The following MTUS2 variants were observed in gnomAD, a reference collection of about 807,000 sequenced individuals.
MTUS2 encodes microtubule-associated tumor suppressor candidate 2.
A neutral mutation model predicts 114.1 loss-of-function variants in MTUS2; 40 were observed. The ratio of observed to expected loss-of-function variants is 0.35; its 90% CI spans 0.27 to 0.46. The LOEUF is 0.46. MTUS2 is among the 20% of genes least tolerant of loss of function. The pLI, the probability that MTUS2 is intolerant of heterozygous loss-of-function variation, is 1.00. For synonymous variants in MTUS2, 688 were observed against 672.0 expected, an observed-to-expected ratio of 1.02 and a Z score of -0.37; for missense variants, 1,679 against 1,705.4, an observed-to-expected ratio of 0.98 and a Z score of 0.27.
chr13:29,290,393 G>C (rs545353857), intron 6 of MTUS2, among the ~76,000 whole-genome samples: 1 of 151,920 alleles, frequency 6.6e-6, no homozygotes, highest in Non-Finnish European at 1.5e-5. Flanking sequence ...GCAGTGGCGC[G>C]ATCTCAGCTC....
In MTUS2 at chr13:28,830,175, CA is replaced by C. The variant is rs113570574; in HGVS notation, c.-316+9567del. ...ACAATAGTAGCAACAAATATAACAACAAACCTTTATGCAGAGTGGAATCTTA... is the reference window on the plus strand; with the variant it reads ...ACAATAGTAGCAACAAATATAACAACAACCTTTATGCAGAGTGGAATCTTA... On this transcript the variant is annotated intron_variant, in intron 1 of 15. Transcript: ENST00000612955. 2.9e-3 allele frequency among the ~76,000 whole-genome samples: 438 copies of C among 152,234 alleles called. 4 individuals carry two copies. The highest frequency in any genetic ancestry group is 9.7e-3 in the African/African-American group (402 of 41,532).
At chr13:29,054,043 A>T (rs906979209) in intron 4 of MTUS2, among the ~76,000 whole-genome samples, 2 of 152,216 alleles carry the variant, frequency 1.3e-5, no homozygotes, top group Admixed American at 1.3e-4. Context: ...AATCTATGAG[A>T]GTTACAGTGG....
intron 5 of MTUS2, among the ~76,000 whole-genome samples, chr13:29,101,587 G>A (rs577990346): frequency 2.0e-5 from 3 of 152,288 alleles, no homozygotes; most frequent in African/African-American, 7.2e-5. Context: ...AACAGCTGCT[G>A]TCCCTGAGGA....
intron 2 of MTUS2, among the ~76,000 whole-genome samples, chr13:28,998,851 T>C (rs143279131): frequency 0.011 from 1,677 of 152,306 alleles, 19 homozygotes; most frequent in South Asian, 0.02. Context: ...CTCCTTTAGC[T>C]CGGAGTAGTT....
At chr13:29,078,965 C>T (rs1393274109) in intron 4 of MTUS2, among the ~76,000 whole-genome samples, 1 of 152,118 alleles carries the variant, frequency 6.6e-6, no homozygotes, top group Non-Finnish European at 1.5e-5. Context: ...CACATTGCAC[C>T]TCTGTATTTA....
chr13:29,034,133 A>T lies in MTUS2; in HGVS notation c.2446+8A>T. The stretch of plus-strand genomic sequence containing the variant: ...ACAGTTCCGATCCTTCAGGTAACCG[A>T]TCCAACAGTTTCTGCCTTTTCCTGC... On this transcript the variant is annotated splice_region_variant and intron_variant, in intron 4 of 15. Transcript: ENST00000612955. The T allele has an allele frequency of 6.2e-7, 1 of 1,613,678 alleles. No individual in the cohort carries two copies. Among genetic ancestry groups the T allele is most frequent in the South Asian group, 1.1e-5 (1 of 91,064 alleles).
chr13:29,306,774 C>T (rs528863555), intron 6 of MTUS2: 1 of 327,042 alleles, frequency 3.1e-6, no homozygotes, highest in South Asian at 2.4e-5. Context: ...ATCCCTGAGA[C>T]ATCATGGTGA....
At chr13:29,482,647 A>G (rs1247328041) in intron 10 of MTUS2, among the ~76,000 whole-genome samples, 5 of 152,226 alleles carry the variant, frequency 3.3e-5, no homozygotes, top group African/African-American at 9.6e-5. Context: ...TTATCTATCC[A>G]TTGAGGAAGC....
In MTUS2 at chr13:29,480,157, T is replaced by C; in HGVS notation, c.3192T>C (p.His1064=). Residue 1064 remains histidine (H), a synonymous_variant, in exon 10 of 16, where the codon CAT becomes CAC. Transcript: ENST00000612955. This position sits in a 1 kb window ranked among gnomAD's most constrained non-coding sequence, Gnocchi z 4.4. ...LANIRDEVAF[H]TAKCEKLQKE... is the part of the protein sequence containing the mutation. ...CTTGTGCTTTGCGCCCAGCCTTCCA[T>C]ACAGCAAAGTGCGAGAAACTACAAA... 1 of 1,553,272 alleles carries C rather than the reference T, an allele frequency of 6.4e-7. No individual in the cohort carries two copies. The highest frequency in any genetic ancestry group is 8.7e-7 in the Non-Finnish European group (1 of 1,147,824).
chr13:29,390,689 G>T lies in MTUS2; in HGVS notation c.3117+31216G>T, dbSNP rs116823500. On this transcript the variant is annotated intron_variant, in intron 8 of 15. Coordinates refer to ENST00000612955, the MANE Select transcript of MTUS2 (RefSeq NM_001033602.4). Reference sequence around the variant, plus strand: ...AAGAAAGAAAGAAAATATGTATTAGGGTCCCCGTTGGGGTAAAATCGGTGT... The same window carrying T: ...AAGAAAGAAAGAAAATATGTATTAGTGTCCCCGTTGGGGTAAAATCGGTGT... 9.6e-3 allele frequency among the ~76,000 whole-genome samples: 1,455 copies of T among 151,302 alleles called. 29 individuals carry two copies. The highest frequency in any genetic ancestry group is 0.033 in the African/African-American group (1,372 of 41,036).
intron 2 of MTUS2, among the ~76,000 whole-genome samples, chr13:28,912,708 C>G (rs994463693): frequency 5.9e-5 from 9 of 151,890 alleles, no homozygotes; most frequent in Non-Finnish European, 1.2e-4. Context: ...GTTTGTTGTT[C>G]TTCTTAAAGA....
chr13:29,373,947 G>A (rs1218102950), intron 8 of MTUS2, among the ~76,000 whole-genome samples: 1 of 152,166 alleles, frequency 6.6e-6, no homozygotes, highest in Non-Finnish European at 1.5e-5. Flanking sequence ...GTTAAAAGTA[G>A]CTATTGCAGA....
At chr13:29,320,757 G>C (rs1215988170) in intron 6 of MTUS2, among the ~76,000 whole-genome samples, 1 of 152,204 alleles carries the variant, frequency 6.6e-6, no homozygotes, top group East Asian at 1.9e-4. Context: ...AAGATGCAGA[G>C]GTTAAGGCAC....
At chr13:29,088,054 G>A (rs551534356) in intron 4 of MTUS2, among the ~76,000 whole-genome samples, 29 of 56,090 alleles carry the variant, frequency 5.2e-4, no homozygotes, top group South Asian at 4.3e-3. Context: ...GCAAGACTCC[G>A]TCTCAAAAAA....
intron 5 of MTUS2, among the ~76,000 whole-genome samples, chr13:29,142,016 C>A (rs1043841487): frequency 6.6e-6 from 1 of 151,956 alleles, no homozygotes; most frequent in Non-Finnish European, 1.5e-5. Context: ...CCCACCACCA[C>A]ACCCAGCTAA....
At chr13:29,286,443 G>GTC (rs1216361871) in intron 6 of MTUS2, among the ~76,000 whole-genome samples, 1 of 152,184 alleles carries the variant, frequency 6.6e-6, no homozygotes, top group African/African-American at 2.4e-5. Flanking sequence ...AACTCAGCTA[G>GTC]TCTCTCTAGT....
intron 2 of MTUS2, among the ~76,000 whole-genome samples, chr13:28,861,697 A>T (rs952746596): frequency 6.6e-6 from 1 of 152,094 alleles, no homozygotes; most frequent in Non-Finnish European, 1.5e-5. Context: ...CATGGTAGGC[A>T]CTTGGTTGGT....
intron 5 of MTUS2, among the ~76,000 whole-genome samples, chr13:29,182,318 A>G (rs1159282503): frequency 2.6e-5 from 4 of 152,176 alleles, no homozygotes; most frequent in Non-Finnish European, 5.9e-5. Flanking sequence ...CTTTATTTTC[A>G]TCTATACAGT....
chr13:28,887,354 G>A lies in MTUS2; in HGVS notation c.-243+47504G>A, dbSNP rs191963795. ...TCCCTGGACGCTACTCGTTTCTGAC[G>A]CACCTCCCATGTCTCTGACCACAGC... On this transcript the variant is annotated intron_variant, in intron 2 of 15. Transcript: ENST00000612955. Among the ~76,000 whole-genome samples, 328 of 152,220 alleles carry A rather than the reference G, an allele frequency of 2.2e-3. 1 individual carries two copies. The highest frequency in any genetic ancestry group is 7.3e-3 in the African/African-American group (302 of 41,542).
Sources: allele counts gnomAD v4.1 joint callset (sites outside exome capture counted in the v4.1 genomes callset), GRCh38; gene constraint gnomAD v4.1.1; non-coding constraint Gnocchi (gnomAD v3.1); transcripts MANE v1.5; gene names NCBI Gene and HGNC (gene_info 2026-07-23, HGNC 2026-07-21).